The following LOC400499 variants were observed in gnomAD, a reference collection of about 807,000 sequenced individuals.
chr16:11,448,055 A>G, the LOC400499 span: 23 of 1,535,364 alleles, frequency 1.5e-5, no homozygotes, highest in Non-Finnish European at 2.0e-5. Context: ...GCCGTGAGCG[A>G]CACCTGGGTC....
chr16:11,413,822 G>A, the LOC400499 span, among the ~76,000 whole-genome samples: 1 of 152,122 alleles, frequency 6.6e-6, no homozygotes, highest in Admixed American at 6.6e-5. Flanking sequence ...CACATTATAG[G>A]TAATATCATC....
At chr16:11,474,510 G>A in the LOC400499 span, among the ~76,000 whole-genome samples, 3 of 152,056 alleles carry the variant, frequency 2.0e-5, no homozygotes, top group Non-Finnish European at 4.4e-5. Flanking sequence ...AGTGATTTTG[G>A]TTTGCTTGTA....
the LOC400499 span, among the ~76,000 whole-genome samples, chr16:11,458,981 G>A: frequency 6.6e-5 from 10 of 151,626 alleles, no homozygotes; most frequent in African/African-American, 2.4e-4. Context: ...AGGTTGCAGT[G>A]AGCCAAGATC....
chr16:11,393,164 C>CCTG, the LOC400499 span, among the ~76,000 whole-genome samples: 1 of 115,134 alleles, frequency 8.7e-6, no homozygotes, highest in Non-Finnish European at 1.9e-5. Context: ...ACCCCCCCCC[C>CCTG]TTTTTTTTAA....
the LOC400499 span, among the ~76,000 whole-genome samples, chr16:11,505,485 ACT>A: frequency 9.1e-6 from 1 of 110,118 alleles, no homozygotes; most frequent in Non-Finnish European, 1.7e-5. Context: ...GAAGAGTCTC[ACT>A]CTGTCACCCA....
chr16:11,419,868 G>T, the LOC400499 span, among the ~76,000 whole-genome samples: 1 of 151,562 alleles, frequency 6.6e-6, no homozygotes, highest in East Asian at 1.9e-4. Flanking sequence ...GGCCATCAGA[G>T]AAATGCAAAT....
chr16:11,398,406 G>C, the LOC400499 span: 2 of 1,232,194 alleles, frequency 1.6e-6, no homozygotes, highest in Admixed American at 4.2e-5. Context: ...TGCATAGTCA[G>C]TCTGTACTTC....
chr16:11,375,197 A>G, the LOC400499 span, among the ~76,000 whole-genome samples: 1 of 142,574 alleles, frequency 7.0e-6, no homozygotes, highest in East Asian at 1.9e-4. Flanking sequence ...CTGCAGCACC[A>G]TTTTATACTC....
At chr16:11,448,903 C>A in the LOC400499 span, 1 of 1,451,026 alleles carries the variant, frequency 6.9e-7, no homozygotes. Flanking sequence ...GCTGCACGGG[C>A]CTCCTGGGTT....
chr16:11,404,379 C>T, the LOC400499 span, among the ~76,000 whole-genome samples: 28,787 of 152,072 alleles, frequency 0.19, 3,196 homozygotes, highest in Admixed American at 0.36. Context: ...GACCGAGTCT[C>T]ACTCTCGCTC....
At chr16:11,459,828 G>C in the LOC400499 span, 1 of 1,248,558 alleles carries the variant, frequency 8.0e-7, no homozygotes, top group Non-Finnish European at 1.0e-6. Context: ...GCCATGTGGG[G>C]GTTCCCCAGC....
the LOC400499 span, among the ~76,000 whole-genome samples, chr16:11,382,382 T>C: frequency 0.32 from 48,227 of 152,164 alleles, 7,784 homozygotes; most frequent in Non-Finnish European, 0.36. Flanking sequence ...GGAAGCCTAC[T>C]CCTGTTGTTG....
At chr16:11,393,782 T>A in the LOC400499 span, among the ~76,000 whole-genome samples, 41,842 of 151,990 alleles carry the variant, frequency 0.28, 6,506 homozygotes, top group African/African-American at 0.42. Context: ...GAAAGCACTT[T>A]TGAAAATACT....
At chr16:11,426,300 G>C in the LOC400499 span, among the ~76,000 whole-genome samples, 2 of 152,158 alleles carry the variant, frequency 1.3e-5, no homozygotes, top group African/African-American at 2.4e-5. Flanking sequence ...GCCAGGTGTG[G>C]TGGCGCATGC....
the LOC400499 span, chr16:11,447,835 T>G: frequency 7.1e-7 from 1 of 1,408,946 alleles, no homozygotes; most frequent in Non-Finnish European, 9.3e-7. Flanking sequence ...GCAGAGATTC[T>G]CCAGGTAGCT....
the LOC400499 span, among the ~76,000 whole-genome samples, chr16:11,426,940 A>C: frequency 6.7e-6 from 1 of 148,344 alleles, no homozygotes; most frequent in Non-Finnish European, 1.5e-5. Flanking sequence ...GGAAGAAAAT[A>C]TCCTATTCTA....
chr16:11,450,360 T>C, the LOC400499 span, among the ~76,000 whole-genome samples: 1 of 152,244 alleles, frequency 6.6e-6, no homozygotes. Flanking sequence ...TGCTTTCCTA[T>C]TTTATATTTC....
chr16:11,425,485 C>A, the LOC400499 span: 10 of 398,898 alleles, frequency 2.5e-5, no homozygotes, highest in Non-Finnish European at 4.4e-5. Context: ...GGGAAATGAG[C>A]TGCTTTGGAG....
the LOC400499 span, among the ~76,000 whole-genome samples, chr16:11,490,060 C>T: frequency 6.6e-6 from 1 of 152,120 alleles, no homozygotes; most frequent in Non-Finnish European, 1.5e-5. Flanking sequence ...TCCACAAGAG[C>T]TATAGATGAG....
Sources: gnomAD v4.1 joint callset for allele counts (sites outside exome capture counted in the v4.1 genomes callset) on GRCh38, gnomAD v4.1.1 for gene constraint, MANE v1.5 for transcripts.